SLC38A4: variants seen among roughly 807,000 people sequenced by gnomAD.
SLC38A4 encodes solute carrier family 38 member 4.
In SLC38A4, 20 loss-of-function variants were observed where a neutral mutation model predicts 63.1. The observed-to-expected ratio is 0.32, with a 90% confidence interval of 0.22 to 0.46. The LOEUF (loss-of-function observed/expected upper bound fraction) is 0.46. Ranked by LOEUF, SLC38A4 falls within the 20% of genes least tolerant of loss-of-function variation. The probability of loss-of-function intolerance (pLI) is 1.00; values close to 1 mark genes in which losing one functional copy is unlikely to be tolerated. For synonymous variants in SLC38A4, 230 were observed against 225.5 expected (o/e 1.02, Z -0.18); for missense variants, 526 against 663.6 (o/e 0.79, Z 2.28).
intron 5 of SLC38A4, among the ~76,000 whole-genome samples, chr12:46,786,491 G>A (rs143474016): frequency 6.6e-6 from 1 of 152,172 alleles, no homozygotes; most frequent in East Asian, 1.9e-4. Context: ...ATCTATGACT[G>A]TGGGATTGGG....
At chr12:46,783,710 G>A (rs1361716959) in intron 7 of SLC38A4, among the ~76,000 whole-genome samples, 2 of 152,032 alleles carry the variant, frequency 1.3e-5, no homozygotes, top group East Asian at 3.9e-4. Flanking sequence ...GATGACTGCT[G>A]GTGGTATTCA....
chr12:46,813,073 G>T (rs1162959208), intron 1 of SLC38A4, among the ~76,000 whole-genome samples: 1 of 151,836 alleles, frequency 6.6e-6, no homozygotes, highest in Admixed American at 6.6e-5. Context: ...TGACATCAGT[G>T]TCTCTATGTC....
chr12:46,780,104 G>T, intron 7 of SLC38A4, 74 bp from the exon 8 acceptor site: 1 of 1,141,940 alleles, frequency 8.8e-7, no homozygotes, highest in Non-Finnish European at 1.3e-6. Flanking sequence ...ATGACATTTG[G>T]GATATGTAAG....
intron 1 of SLC38A4, among the ~76,000 whole-genome samples, chr12:46,805,317 C>A (rs1418642511): frequency 6.6e-6 from 1 of 151,956 alleles, no homozygotes; most frequent in Non-Finnish European, 1.5e-5. Flanking sequence ...TAGCAAAATT[C>A]TTATTACAAA....
chr12:46,828,403 C>T (rs1168966649), upstream of SLC38A4, among the ~76,000 whole-genome samples: 2 of 152,134 alleles, frequency 1.3e-5, no homozygotes, highest in Non-Finnish European at 2.9e-5. Flanking sequence ...CTCACTGCAA[C>T]CTCTGCCTCC....
chr12:46,783,120 TG>T (rs937738299), intron 7 of SLC38A4, among the ~76,000 whole-genome samples: 6 of 147,242 alleles, frequency 4.1e-5, no homozygotes, highest in African/African-American at 1.5e-4. Flanking sequence ...AAAGAAGGCA[TG>T]GATGATTTTT....
chr12:46,766,504 T>G lies in SLC38A4; in HGVS notation c.*197A>C, dbSNP rs1394719475. 8 of 666,020 alleles carry G rather than the reference T, an allele frequency of 1.2e-5. No individual in the cohort carries two copies. Among genetic ancestry groups the G allele is most frequent in the Non-Finnish European group, 2.2e-5 (8 of 361,364 alleles). The allele number at this position is 666,020 out of a possible 1,614,324, so 41.3% of individuals were successfully genotyped here. ...GAAATGTGCACCACAGGTTTTATTT[T>G]AAACACATACACAACCATCCTTGAC... On this transcript the variant is annotated 3_prime_UTR_variant, in exon 17 of 17. Coordinates refer to ENST00000266579, the MANE Select transcript of SLC38A4 (RefSeq NM_018018.5).
chr12:46,766,989 T>C (rs1187432659), intron 16 of SLC38A4, among the ~76,000 whole-genome samples, 187 bp from the exon 17 acceptor site: 2 of 151,886 alleles, frequency 1.3e-5, no homozygotes, highest in Non-Finnish European at 2.9e-5. Flanking sequence ...AGGAATACAG[T>C]GGAGAGATAC....
intron 2 of SLC38A4, among the ~76,000 whole-genome samples, chr12:46,795,784 C>A (rs1022446675): frequency 6.6e-6 from 1 of 151,988 alleles, no homozygotes; most frequent in African/African-American, 2.4e-5. Flanking sequence ...ATTGATGAGT[C>A]TGGCTCTTAT....
intron 5 of SLC38A4, among the ~76,000 whole-genome samples, chr12:46,785,684 G>T (rs1192846288): frequency 6.1e-5 from 9 of 146,630 alleles, no homozygotes; most frequent in Non-Finnish European, 4.5e-5. Context: ...GGGGCAGGCA[G>T]TTGCATATAT....
At chr12:46,829,143 C>G (rs1023887692), upstream of SLC38A4, among the ~76,000 whole-genome samples, 9 of 152,158 alleles carry the variant, frequency 5.9e-5, no homozygotes, top group Non-Finnish European at 1.2e-4. Context: ...ACAGAGATAA[C>G]AAATACCTAT....
At chr12:46,817,060 G>C (rs1592196341) in intron 1 of SLC38A4, among the ~76,000 whole-genome samples, 1 of 151,766 alleles carries the variant, frequency 6.6e-6, no homozygotes, top group Non-Finnish European at 1.5e-5. Flanking sequence ...GGTTTATGCA[G>C]TTGGGGCCAG....
At chr12:46,779,698 G>C in intron 9 of SLC38A4, 29 bp from the exon 10 acceptor site, 1 of 1,594,782 alleles carries the variant, frequency 6.3e-7, no homozygotes, top group African/African-American at 1.4e-5. Context: ...ATTTTGGAAG[G>C]TGAATATGGC....
chr12:46,793,039 G>A lies in SLC38A4; in HGVS notation c.33C>T (p.Ile11=), dbSNP rs752099562. The A allele has an allele frequency of 1.2e-5, 20 of 1,612,994 alleles. No individual in the cohort carries two copies. The highest frequency in any genetic ancestry group is 2.2e-5 in the South Asian group (2 of 91,052). The part of the protein sequence containing the change: MDPMELRNVN[I]EPDDESSSGE... ...CACTGCTGCTCTCATCATCTGGTTC[G>A]ATGTTGACATTTCTCAGTTCCATGG... The change falls in exon 3 of 17, where the codon ATC becomes ATT. Residue 11 remains isoleucine (I), a synonymous_variant. Coordinates refer to ENST00000266579, the MANE Select transcript of SLC38A4 (RefSeq NM_018018.5).
Sources: allele counts gnomAD v4.1 joint callset (sites outside exome capture counted in the v4.1 genomes callset), GRCh38; gene constraint gnomAD v4.1.1; transcripts MANE v1.5; gene names NCBI Gene and HGNC (gene_info 2026-07-23, HGNC 2026-07-21).